Variants in FAM110A observed in about 807,000 individuals in gnomAD.
The protein encoded by FAM110A is protein FAM110A.
In FAM110A, 1 loss-of-function variant was observed where a neutral mutation model predicts 4.0. The ratio of observed to expected loss-of-function variants is 0.25; its 90% confidence interval spans 0.09 to 1.20. FAM110A has a LOEUF of 1.20. Among genes scored for constraint, FAM110A ranks in the 50% most tolerant of loss-of-function variants. The pLI, the probability that FAM110A is intolerant of heterozygous loss-of-function variation, is 0.50. For missense variants in FAM110A, 436 were observed against 429.2 expected (o/e 1.02, Z -0.14); for synonymous variants, 217 against 196.8 (o/e 1.10, Z -0.86).
In FAM110A at chr20:844,741, C is replaced by T. The variant is rs538423469; in HGVS notation, c.-64C>T. On this transcript the variant is annotated 5_prime_UTR_variant, in exon 2 of 2. Transcript: ENST00000381941. ...GGTGTCCAGCTGCCTACTTTCTGCC[C>T]GGATCTCTGGCTCCTCATCTCTCCG... 5.1e-4 allele frequency: 698 copies of T among 1,360,144 alleles called. 2 individuals carry two copies. The highest frequency in any genetic ancestry group is 1.1e-3 in the South Asian group (65 of 57,638). 84.3% of individuals were successfully genotyped at this position (1,360,144 alleles called of 1,614,324 possible). A position where few individuals can be genotyped will look rare whatever the true frequency, so the allele number is the denominator to read the frequency against.
At chr20:836,472 T>G (rs1979582326) in intron 1 of FAM110A, among the ~76,000 whole-genome samples, 1 of 152,242 alleles carries the variant, frequency 6.6e-6, no homozygotes, top group Non-Finnish European at 1.5e-5. Context: ...TTTGTCTTGT[T>G]GTGTCTGGCT....
At chr20:842,399 G>A (rs1348330832) in intron 1 of FAM110A, among the ~76,000 whole-genome samples, 1 of 152,220 alleles carries the variant, frequency 6.6e-6, no homozygotes, top group Non-Finnish European at 1.5e-5. Flanking sequence ...TGCCCGCAAG[G>A]GAACTGCCAC....
At chr20:842,599 A>G (rs1979996680) in intron 1 of FAM110A, among the ~76,000 whole-genome samples, 1 of 152,090 alleles carries the variant, frequency 6.6e-6, no homozygotes. Flanking sequence ...CCAAGGATCT[A>G]TTCCCAACTC....
chr20:845,650 T>C lies in FAM110A; in HGVS notation c.846T>C (p.Tyr282=). Residue 282 remains tyrosine, a synonymous_variant, in exon 2 of 2, where the codon TAT becomes TAC. Coordinates refer to ENST00000381941, the MANE Select transcript of FAM110A (RefSeq NM_001042353.3). ...ATGCCCGCGTGATCAAGTGGTTGTATGGGCTAAGGCAGGCTCGGGAGAGCC... is the reference window on the plus strand; with the variant it reads ...ATGCCCGCGTGATCAAGTGGTTGTACGGGCTAAGGCAGGCTCGGGAGAGCC... The part of the protein sequence containing the change: ...ERNARVIKWL[Y]GLRQARESPA... 1.2e-6 allele frequency: 2 copies of C among 1,614,106 alleles called. No homozygotes were observed.
chr20:835,194 CTCTCTCTA>C (rs751578736), intron 1 of FAM110A, among the ~76,000 whole-genome samples: 25 of 124,324 alleles, frequency 2.0e-4, no homozygotes, highest in Middle Eastern at 4.2e-3. Context: ...CTCTCTCTCT[CTCTCTCTA>C]TATATATATA....
intron 1 of FAM110A, chr20:839,532 T>C (rs187858545): frequency 9.5e-5 from 99 of 1,042,380 alleles, no homozygotes; most frequent in Middle Eastern, 3.1e-4. Flanking sequence ...CTCGGCTTTC[T>C]TGTCAGCACC....
chr20:842,771 G>T (rs1169224649), intron 1 of FAM110A, among the ~76,000 whole-genome samples: 2 of 152,082 alleles, frequency 1.3e-5, no homozygotes, highest in Non-Finnish European at 2.9e-5. Context: ...TGTACTCCTG[G>T]ATTTCCAGCT....
intron 1 of FAM110A, chr20:839,492 C>T (rs1470538610): frequency 1.0e-5 from 10 of 963,140 alleles, no homozygotes; most frequent in African/African-American, 3.2e-5. Flanking sequence ...TGCCTCTAAA[C>T]TGGAATTCGG....
At position 840,957 on chromosome 20, in the gene FAM110A, C is replaced by T. The variant is rs943884740; in HGVS notation, c.-97-3751C>T. On this transcript the variant is annotated intron_variant, in intron 1 of 1. Coordinates refer to ENST00000381941, the MANE Select transcript of FAM110A (RefSeq NM_001042353.3). This position sits in a 1 kb window ranked among gnomAD's most constrained non-coding sequence, Gnocchi z 4.4. ...GCCTGGCACAGTGAACATCACCTGG[C>T]GGTCGTTCTGAGTGTCAGGGAGCGG... Among the ~76,000 whole-genome samples, 10 of 152,214 alleles carry T rather than the reference C, an allele frequency of 6.6e-5. No homozygotes were observed. Among genetic ancestry groups the T allele is most frequent in the Non-Finnish European group, 1.0e-4 (7 of 68,036 alleles).
chr20:844,439 TGCCCAGGTC>T (rs58588343), intron 1 of FAM110A, among the ~76,000 whole-genome samples: 150,490 of 151,962 alleles, frequency 0.99, 74,519 homozygotes, highest in East Asian at 1. Flanking sequence ...CTGCTCAGGT[TGCCCAGGTC>T]GCCCAGGTCT....
In FAM110A at chr20:845,105, C is replaced by T; in HGVS notation, c.301C>T (p.Gln101Ter). ...CCTGCCTGGCCCCTGCCGACGGCCC[C>T]AGCTGGACCTGGACATCCTCAGCAG... ...RALPGPCRRP[Q>*]LDLDILSSLI... The change falls in exon 2 of 2, where the codon CAG becomes TAG. Residue 101 changes from glutamine to a stop codon, truncating the protein, a stop_gained. Transcript: ENST00000381941. LOFTEE classifies it high-confidence loss of function. 3.1e-6 allele frequency: 5 copies of T among 1,594,552 alleles called. No homozygotes were observed. Among genetic ancestry groups the T allele is most frequent in the Non-Finnish European group, 4.3e-6 (5 of 1,171,802 alleles).
chr20:846,033 A>C lies in FAM110A; in HGVS notation c.*341A>C. ...AGTGAGGGGCCAAGGGATCTCCTCAATCCTGTCTCCCCAGCGGCTCTGTTT... is the reference window on the plus strand; with the variant it reads ...AGTGAGGGGCCAAGGGATCTCCTCACTCCTGTCTCCCCAGCGGCTCTGTTT... On this transcript the variant is annotated 3_prime_UTR_variant, in exon 2 of 2. Coordinates refer to ENST00000381941, the MANE Select transcript of FAM110A (RefSeq NM_001042353.3). 2.4e-5 allele frequency: 7 copies of C among 297,808 alleles called. No homozygotes were observed. Among genetic ancestry groups the C allele is most frequent in the South Asian group, 3.9e-5 (1 of 25,664 alleles). The allele number at this position is 297,808 out of a possible 1,614,324, so 18.4% of individuals were successfully genotyped here. A position where few individuals can be genotyped will look rare whatever the true frequency, so the allele number is the denominator to read the frequency against.
chr20:843,608 C>T (rs7262185), intron 1 of FAM110A, among the ~76,000 whole-genome samples: 25,670 of 152,086 alleles, frequency 0.17, 2,388 homozygotes, highest in East Asian at 0.36. Context: ...ATTAAGTACC[C>T]GCCCCCTCCA....
At chr20:844,456 TC>T (rs1476144717) in intron 1 of FAM110A, among the ~76,000 whole-genome samples, 10 of 150,570 alleles carry the variant, frequency 6.6e-5, no homozygotes, top group Admixed American at 6.6e-5. Flanking sequence ...GTCGCCCAGG[TC>T]TTTTTTCTCT....
chr20:845,636 A>T lies in FAM110A; in HGVS notation c.832A>T (p.Ile278Phe). Residue 278 changes from isoleucine (I) to phenylalanine (F), a missense_variant, in exon 2 of 2, where the codon ATC becomes TTC. Physicochemically the swap from Ile to Phe is conservative, Grantham distance 21. Coordinates refer to ENST00000381941, the MANE Select transcript of FAM110A (RefSeq NM_001042353.3). The stretch of plus-strand genomic sequence containing the variant: ...GGTGGTGGAGCGCAATGCCCGCGTG[A>T]TCAAGTGGTTGTATGGGCTAAGGCA... ...VSVVERNARV[I>F]KWLYGLRQAR... The T allele has an allele frequency of 6.2e-7, 1 of 1,614,102 alleles. No individual in the cohort carries two copies. Among genetic ancestry groups the T allele is most frequent in the Non-Finnish European group, 8.5e-7 (1 of 1,180,030 alleles).
chr20:835,221 C>CAT (rs1979518129), intron 1 of FAM110A, among the ~76,000 whole-genome samples: 1 of 149,124 alleles, frequency 6.7e-6, no homozygotes, highest in South Asian at 2.1e-4. Context: ...TATACACACA[C>CAT]ACATATATAC....
intron 1 of FAM110A, among the ~76,000 whole-genome samples, chr20:837,208 A>G (rs1452490495): frequency 1.3e-5 from 2 of 151,986 alleles, no homozygotes; most frequent in African/African-American, 4.8e-5. Flanking sequence ...CCCCGCCACC[A>G]TGCTGGGCTA....
In FAM110A at chr20:839,756, C is replaced by G; in HGVS notation, c.-97-4952C>G. 2.8e-6 allele frequency: 4 copies of G among 1,418,800 alleles called. No individual in the cohort carries two copies. The Admixed American group carries it at 6.7e-5, about 24-fold the overall frequency. 87.9% of individuals were successfully genotyped at this position (1,418,800 alleles called of 1,614,324 possible). On this transcript the variant is annotated intron_variant, in intron 1 of 1. Coordinates refer to ENST00000381941, the MANE Select transcript of FAM110A (RefSeq NM_001042353.3). The stretch of plus-strand genomic sequence containing the variant: ...GGTAATCACGGAGATACTGGCTACC[C>G]TCATTGGTAAGGTACCAGTAGAAAT...
In FAM110A at chr20:844,743, GA is replaced by G; in HGVS notation, c.-61del. The G allele has an allele frequency of 7.4e-7, 1 of 1,358,490 alleles. No homozygotes were observed. Among genetic ancestry groups the G allele is most frequent in the South Asian group, 1.7e-5 (1 of 57,700 alleles). The allele number at this position is 1,358,490 out of a possible 1,614,324, so 84.2% of individuals were successfully genotyped here. ...TGTCCAGCTGCCTACTTTCTGCCCG[GA>G]TCTCTGGCTCCTCATCTCTCCGGTC... On this transcript the variant is annotated 5_prime_UTR_variant, in exon 2 of 2. Transcript: ENST00000381941.
Sources: allele counts gnomAD v4.1 joint callset (sites outside exome capture counted in the v4.1 genomes callset), GRCh38; gene constraint gnomAD v4.1.1; non-coding constraint Gnocchi (gnomAD v3.1); transcripts MANE v1.5; gene names NCBI Gene and HGNC (gene_info 2026-07-23, HGNC 2026-07-21).